ITPR3: variants seen among roughly 807,000 people sequenced by gnomAD.
ITPR3 encodes the protein inositol 1,4,5-trisphosphate receptor type 3.
Under a neutral mutation model 293.2 loss-of-function variants are expected in ITPR3, and 173 were observed. That is an observed-to-expected ratio of 0.59 (90% CI 0.52 to 0.67). The LOEUF (loss-of-function observed/expected upper bound fraction) is 0.67. Among genes scored for constraint, ITPR3 ranks in the 30% least tolerant of loss-of-function variants. The pLI is 0.00. For missense variants in ITPR3, 2,796 were observed against 3,592.1 expected (o/e 0.78, Z 5.66); for synonymous variants, 1,295 against 1,444.4 (o/e 0.90, Z 2.35).
Position 33,674,206 on chromosome 6 carries a change from A to C in ITPR3, c.3059-2A>C. ...TGCTTCCATCTGCCCCTCTCCCCAC[A>C]GCTGCCAACATGAACCTGGATCGCA... On this transcript the variant is annotated splice_acceptor_variant, in intron 23 of 57. Transcript: ENST00000605930. LOFTEE classifies it high-confidence loss of function. 6.2e-7 allele frequency: 1 copy of C among 1,613,944 alleles called. No individual in the cohort carries two copies. The highest frequency in any genetic ancestry group is 8.5e-7 in the Non-Finnish European group (1 of 1,179,918).
chr6:33,677,170 C>G, intron 27 of ITPR3, 81 bp downstream of exon 27: 1 of 1,302,988 alleles, frequency 7.7e-7, no homozygotes, highest in Admixed American at 1.8e-5. Context: ...CCCCCTGTGC[C>G]TCTCCCTGTG....
intron 2 of ITPR3, among the ~76,000 whole-genome samples, chr6:33,645,059 A>C (rs968085939): frequency 1.3e-5 from 2 of 151,176 alleles, no homozygotes; most frequent in African/African-American, 2.4e-5. Flanking sequence ...CTGGCCAGGC[A>C]TAGTGGCTCA....
chr6:33,690,150 G>C lies in ITPR3; in HGVS notation c.6984G>C (p.Leu2328=), dbSNP rs753764123. Residue 2328 remains leucine, a synonymous_variant, in exon 51 of 58, where the codon CTG becomes CTC. Transcript: ENST00000605930. ...TCCTCTACCACGTGGGCTACATCCT[G>C]ACCAGTGTCCTGGGCCTCTTTGCTC... ...MEFLYHVGYI[L]TSVLGLFAHE... The C allele has an allele frequency of 1.9e-6, 3 of 1,613,920 alleles. No homozygotes were observed. In the African/African-American group the frequency reaches 4.0e-5, roughly 22 times the overall value.
chr6:33,667,369 G>A lies in ITPR3; in HGVS notation c.1713+79G>A. The A allele has an allele frequency of 2.0e-6, 3 of 1,511,058 alleles. No homozygotes were observed. Among genetic ancestry groups the A allele is most frequent in the African/African-American group, 1.4e-5 (1 of 72,572 alleles). 93.6% of individuals were successfully genotyped at this position (1,511,058 alleles called of 1,614,324 possible). ...AGCGATTTCCTCAGGCACATGTGCT[G>A]TGCCAGGCACTGTTTTGGGGCCTAG... On this transcript the variant is annotated intron_variant, in intron 15 of 57. Coordinates refer to ENST00000605930, the MANE Select transcript of ITPR3 (RefSeq NM_002224.4). This position sits in a 1 kb window ranked among gnomAD's most constrained non-coding sequence, Gnocchi z 4.4.
chr6:33,665,006 G>C, intron 12 of ITPR3, 37 bp downstream of exon 12: 1 of 1,613,632 alleles, frequency 6.2e-7, no homozygotes, highest in Non-Finnish European at 8.5e-7. Flanking sequence ...GCTGGGGCCA[G>C]GGCCGGAGCT....
intron 39 of ITPR3, among the ~76,000 whole-genome samples, 177 bp downstream of exon 39, chr6:33,685,120 T>C (rs1046045581): frequency 3.3e-5 from 5 of 152,092 alleles, no homozygotes; most frequent in Non-Finnish European, 5.9e-5. Flanking sequence ...GGAGACGGGC[T>C]CAGGCCTGGC....
At chr6:33,674,092 C>G (rs1764841253) in intron 23 of ITPR3, 116 bp from the exon 24 acceptor site, 1 of 1,279,978 alleles carries the variant, frequency 7.8e-7, no homozygotes, top group Admixed American at 2.0e-5. Context: ...AAGGGGCAGG[C>G]AGAGCAGCTG....
Position 33,692,595 on chromosome 6 carries a change from G to C in ITPR3, c.7459-133G>C. 1.2e-6 allele frequency: 1 copy of C among 819,202 alleles called. No individual in the cohort carries two copies. The highest frequency in any genetic ancestry group is 1.9e-6 in the Non-Finnish European group (1 of 527,116). 50.7% of individuals were successfully genotyped at this position (819,202 alleles called of 1,614,324 possible). On this transcript the variant is annotated intron_variant, in intron 54 of 57. Transcript: ENST00000605930. This position sits in a 1 kb window ranked among gnomAD's most constrained non-coding sequence, Gnocchi z 4.2. Reference sequence around the variant, plus strand: ...CACTCTGCCATCTGATGGCCCCCAGGCCAGAGGCCCTCATTTCCTTCTGCT... The same window carrying C: ...CACTCTGCCATCTGATGGCCCCCAGCCCAGAGGCCCTCATTTCCTTCTGCT...
At position 33,685,837 on chromosome 6, in the gene ITPR3, T is replaced by A. The variant is rs964873909; in HGVS notation, c.5667+10T>A. On this transcript the variant is annotated intron_variant, in intron 41 of 57. Coordinates refer to ENST00000605930, the MANE Select transcript of ITPR3 (RefSeq NM_002224.4). ...CAACCGGGACCTGCAGGTGAGTGCCTCGCCACACACCTGCCCCTTCCCCCG... is the reference window on the plus strand; with the variant it reads ...CAACCGGGACCTGCAGGTGAGTGCCACGCCACACACCTGCCCCTTCCCCCG... 3.9e-6 allele frequency: 6 copies of A among 1,557,362 alleles called. No homozygotes were observed. The highest frequency in any genetic ancestry group is 1.8e-5 in the Admixed American group (1 of 55,022).
rs993824838 is a variant in ITPR3 at position 33,665,360 on chromosome 6, G to C, written c.1409+147G>C. On this transcript the variant is annotated intron_variant, in intron 13 of 57. Coordinates refer to ENST00000605930, the MANE Select transcript of ITPR3 (RefSeq NM_002224.4). Reference sequence around the variant, plus strand: ...CCTGTGGGGCCCTGGCTGAGCCTGGGACCCTGGAGTTGGGTGCCTCACGGC... The same window carrying C: ...CCTGTGGGGCCCTGGCTGAGCCTGGCACCCTGGAGTTGGGTGCCTCACGGC... The C allele has an allele frequency of 1.0e-5, 11 of 1,077,630 alleles. No homozygotes were observed. In the South Asian group the frequency reaches 1.4e-4, roughly 14 times the overall value. The allele number at this position is 1,077,630 out of a possible 1,614,324, so 66.8% of individuals were successfully genotyped here. A position where few individuals can be genotyped will look rare whatever the true frequency, so the allele number is the denominator to read the frequency against.
At position 33,638,804 on chromosome 6, in the gene ITPR3, C is replaced by T. The variant is rs1417421126; in HGVS notation, c.90-1680C>T. ...AGTCAAGAAGTGGGGAGAGACACTG[C>T]CAGGACCAGGTGCCGGAACATGAAG... On this transcript the variant is annotated intron_variant, in intron 1 of 57. Transcript: ENST00000605930. The surrounding 1 kb of genome is among the most constrained non-coding windows in gnomAD (Gnocchi z 4.3). Among the ~76,000 whole-genome samples, 1 of 152,210 alleles carries T rather than the reference C, an allele frequency of 6.6e-6. No homozygotes were observed. The highest frequency in any genetic ancestry group is 1.5e-5 in the Non-Finnish European group (1 of 68,032).
intron 1 of ITPR3, among the ~76,000 whole-genome samples, chr6:33,637,813 C>CTT (rs56694936): frequency 0.026 from 3,699 of 140,218 alleles, 71 homozygotes; most frequent in Non-Finnish European, 0.032. Flanking sequence ...TTCTTTCTTT[C>CTT]TTTTTTTTTT....
rs533951005 is a variant in ITPR3 at position 33,690,205 on chromosome 6, C to T, written c.7032+7C>T. 6.2e-7 allele frequency: 1 copy of T among 1,612,898 alleles called. No individual in the cohort carries two copies. The highest frequency in any genetic ancestry group is 8.5e-7 in the Non-Finnish European group (1 of 1,179,248). On this transcript the variant is annotated splice_region_variant and intron_variant, in intron 51 of 57. Transcript: ENST00000605930. ...GCTGTTCTACAGCATCCTGGTGAGG[C>T]CTTCTGGGTGGGCTGGGGCTGGATG...
rs1035623545 is a variant in ITPR3 at position 33,682,049 on chromosome 6, T to G, written c.4477-475T>G. On this transcript the variant is annotated intron_variant, in intron 33 of 57. Transcript: ENST00000605930. The surrounding 1 kb of genome is among the most constrained non-coding windows in gnomAD (Gnocchi z 5.4). ...GGCACCCGCCACCACGCCCGGCTAA[T>G]TTTTGTATTTTTAGTAGAGACAGGG... 1.7e-4 allele frequency among the ~76,000 whole-genome samples: 26 copies of G among 152,006 alleles called. No individual in the cohort carries two copies. The highest frequency in any genetic ancestry group is 6.3e-4 in the African/African-American group (26 of 41,380).
At chr6:33,650,277 G>C (rs751093234) in intron 2 of ITPR3, among the ~76,000 whole-genome samples, 3 of 152,242 alleles carry the variant, frequency 2.0e-5, no homozygotes, top group Non-Finnish European at 2.9e-5. Flanking sequence ...TGTGTATGGC[G>C]ACGGGCCCCG....
chr6:33,656,729 GC>G (rs1393601054), intron 3 of ITPR3, among the ~76,000 whole-genome samples: 1 of 152,220 alleles, frequency 6.6e-6, no homozygotes, highest in East Asian at 1.9e-4. Flanking sequence ...GGAGGCTTTG[GC>G]TGTGGTCAAG....
rs1763878714 is a variant in ITPR3 at position 33,638,663 on chromosome 6, C to T, written c.90-1821C>T. On this transcript the variant is annotated intron_variant, in intron 1 of 57. Coordinates refer to ENST00000605930, the MANE Select transcript of ITPR3 (RefSeq NM_002224.4). This position sits in a 1 kb window ranked among gnomAD's most constrained non-coding sequence, Gnocchi z 4.3. ...CTCTGGCCAGGAGCCGGGATGAAGA[C>T]CAAATATATATTTCTTATTATATCA... 6.6e-6 allele frequency among the ~76,000 whole-genome samples: 1 copy of T among 152,204 alleles called. No individual in the cohort carries two copies. Among genetic ancestry groups the T allele is most frequent in the African/African-American group, 2.4e-5 (1 of 41,452 alleles).
chr6:33,639,027 T>C (rs1763886924), intron 1 of ITPR3, among the ~76,000 whole-genome samples: 1 of 151,286 alleles, frequency 6.6e-6, no homozygotes, highest in South Asian at 2.1e-4. Context: ...GGAGGTTTAG[T>C]AGAGTTGGGG....
At chr6:33,629,543 C>T (rs1763624980) in intron 1 of ITPR3, among the ~76,000 whole-genome samples, 1 of 151,146 alleles carries the variant, frequency 6.6e-6, no homozygotes, top group Admixed American at 6.6e-5. Context: ...TGCAATGGTG[C>T]AATCTCGGCT....
Sources: gnomAD v4.1 joint callset for allele counts (sites outside exome capture counted in the v4.1 genomes callset) on GRCh38, gnomAD v4.1.1 for gene constraint, Gnocchi (gnomAD v3.1) non-coding constraint, MANE v1.5 for transcripts, NCBI Gene and HGNC (gene_info 2026-07-23, HGNC 2026-07-21) for gene names.